Variants in MCM10 observed in about 807,000 individuals in gnomAD.
MCM10 encodes protein MCM10 homolog.
MCM10 carries 91 observed loss-of-function variants against 109.9 expected under a neutral mutation model. The observed-to-expected ratio is 0.83, with a 90% CI of 0.70 to 0.99. The LOEUF is 0.99. Ranked by LOEUF, MCM10 falls within the 50% of genes least tolerant of loss-of-function variation. The pLI is 0.00. For synonymous variants in MCM10, 380 were observed against 387.2 expected (o/e 0.98, Z 0.22); for missense variants, 1,077 against 1,061.2 (o/e 1.01, Z -0.21).
intron 1 of MCM10, among the ~76,000 whole-genome samples, chr10:13,162,222 C>T (rs951324566): frequency 1.3e-5 from 2 of 151,868 alleles, no homozygotes; most frequent in African/African-American, 4.8e-5. Context: ...TTATGGGTGT[C>T]GGGGTGGGTA....
Position 13,197,664 on chromosome 10 carries a change from T to C in MCM10, c.2016T>C (p.Leu672=). ...AATTAAGGGCAAAAGGCCAGGTTCT[T>C]ACAAAAACAAACCCAAACAGCATTA... ...ITKLRAKGQV[L]TKTNPNSIKK... is the part of the protein sequence containing the mutation. The change falls in exon 15 of 20, where the codon CTT becomes CTC. Residue 672 remains leucine, a synonymous_variant. Coordinates refer to ENST00000378714, the MANE Select transcript of MCM10 (RefSeq NM_018518.5). 1 of 1,613,980 alleles carries C rather than the reference T, an allele frequency of 6.2e-7. No individual in the cohort carries two copies. Among genetic ancestry groups the C allele is most frequent in the Admixed American group, 1.7e-5 (1 of 60,012 alleles).
chr10:13,166,649 A>ACATATATATATATATATATAT (rs1554773845), intron 2 of MCM10, among the ~76,000 whole-genome samples: 1 of 41,508 alleles, frequency 2.4e-5, no homozygotes, highest in African/African-American at 7.8e-5. Context: ...AAAAAAAAAA[A>ACATATATATATATATATATAT]ATACATACAT....
At position 13,192,270 on chromosome 10, in the gene MCM10, G is replaced by A; in HGVS notation, c.1532G>A (p.Ser511Asn). 1 of 1,613,670 alleles carries A rather than the reference G, an allele frequency of 6.2e-7. No individual in the cohort carries two copies. The highest frequency in any genetic ancestry group is 8.5e-7 in the Non-Finnish European group (1 of 1,179,592). ...CCTGGCACAGGAATACCCCAGAAGA[G>A]CCTGTCTTGCTCTGAGGAGTTCAAG... is the stretch of plus-strand genomic sequence containing the variant. Reference protein sequence around the residue: ...TRQKLGIPQKSLSCSEEFKEL... With the variant: ...TRQKLGIPQKNLSCSEEFKEL... The change falls in exon 12 of 20, where the codon AGC becomes AAC. Residue 511 changes from serine to asparagine, a missense_variant. Coordinates refer to ENST00000378714, the MANE Select transcript of MCM10 (RefSeq NM_018518.5).
chr10:13,169,110 A>G (rs758237816), intron 2 of MCM10, among the ~76,000 whole-genome samples: 5 of 152,222 alleles, frequency 3.3e-5, no homozygotes, highest in Non-Finnish European at 7.3e-5. Flanking sequence ...CTGGCCAGGT[A>G]GAGAACCACC....
At chr10:13,163,373 G>T (rs932121494) in intron 1 of MCM10, among the ~76,000 whole-genome samples, 2 of 152,166 alleles carry the variant, frequency 1.3e-5, no homozygotes, top group African/African-American at 4.8e-5. Flanking sequence ...ACTGTAATTA[G>T]TTCCTTGACA....
At chr10:13,204,147 C>A in intron 17 of MCM10, 72 bp from the exon 18 acceptor site, 1 of 1,562,410 alleles carries the variant, frequency 6.4e-7, no homozygotes, top group Non-Finnish European at 8.7e-7. Context: ...AGCAGATTGC[C>A]CTTACTGCAG....
chr10:13,166,284 C>T (rs11258227), intron 2 of MCM10, among the ~76,000 whole-genome samples: 50,502 of 151,874 alleles, frequency 0.33, 8,805 homozygotes, highest in East Asian at 0.43. Context: ...AGAGAAGATA[C>T]GTTCAGAGTT....
rs772870705 is a variant in MCM10 at position 13,182,363 on chromosome 10, C to A, written c.931-570C>A. 6.6e-6 allele frequency among the ~76,000 whole-genome samples: 1 copy of A among 152,046 alleles called. No individual in the cohort carries two copies. Among genetic ancestry groups the A allele is most frequent in the Non-Finnish European group, 1.5e-5 (1 of 68,006 alleles). ...TGGTAGCACATGCCTGTAGTCCCAG[C>A]TGCTTGGGAGGCTGAGGATGGAGGA... On this transcript the variant is annotated intron_variant, in intron 7 of 19. Coordinates refer to ENST00000378714, the MANE Select transcript of MCM10 (RefSeq NM_018518.5). This position sits in a 1 kb window ranked among gnomAD's most constrained non-coding sequence, Gnocchi z 4.2.
chr10:13,169,146 C>A (rs1050408648), intron 2 of MCM10, among the ~76,000 whole-genome samples: 8 of 152,196 alleles, frequency 5.3e-5, no homozygotes, highest in African/African-American at 1.7e-4. Flanking sequence ...TAGGGTGGGG[C>A]AGCCAGGTTT....
intron 18 of MCM10, among the ~76,000 whole-genome samples, chr10:13,206,018 C>T (rs922812425): frequency 1.3e-5 from 2 of 152,196 alleles, no homozygotes; most frequent in Non-Finnish European, 2.9e-5. Flanking sequence ...GTTTCATTCA[C>T]GTGCTCTTCT....
In MCM10 at chr10:13,172,321, A is replaced by AT; in HGVS notation, c.350-54dup. ...CAAAAATATTGCCCGCATTTTTGTC[A>AT]TGTAGAACGTTTTCTCCTGCCTGGT... On this transcript the variant is annotated intron_variant, in intron 3 of 19. Coordinates refer to ENST00000378714, the MANE Select transcript of MCM10 (RefSeq NM_018518.5). The surrounding 1 kb of genome is among the most constrained non-coding windows in gnomAD (Gnocchi z 5.2). 1 of 1,371,424 alleles carries AT rather than the reference A, an allele frequency of 7.3e-7. No individual in the cohort carries two copies. The highest frequency in any genetic ancestry group is 1.0e-6 in the Non-Finnish European group (1 of 966,528). 85.0% of individuals were successfully genotyped at this position (1,371,424 alleles called of 1,614,324 possible).
In MCM10 at chr10:13,195,222, TCAC is replaced by T; in HGVS notation, c.1936_1938del (p.Pro646del). 1 of 1,611,484 alleles carries T rather than the reference TCAC, an allele frequency of 6.2e-7. No individual in the cohort carries two copies. The highest frequency in any genetic ancestry group is 1.1e-5 in the South Asian group (1 of 90,502). On this transcript the variant is annotated inframe_deletion, in exon 14 of 20. Coordinates refer to ENST00000378714, the MANE Select transcript of MCM10 (RefSeq NM_018518.5). ...AGATGATGTTCTCTTTTATGATGAG[TCAC>T]CACCACCAAGACCAAAACTGAGTGC... is the stretch of plus-strand genomic sequence containing the variant.
rs1055424398 is a variant in MCM10, at chr10:13,172,820, G to A, written c.592+55G>A. On this transcript the variant is annotated intron_variant, in intron 5 of 19. Transcript: ENST00000378714. The surrounding 1 kb of genome is among the most constrained non-coding windows in gnomAD (Gnocchi z 5.2). ...CACTATTGTATGTGTTTATGTGTGT[G>A]GGGGTGTTCATGTGTGTGTGGGTGT... is the stretch of plus-strand genomic sequence containing the variant. 1.9e-6 allele frequency: 3 copies of A among 1,573,046 alleles called. No individual in the cohort carries two copies. The highest frequency in any genetic ancestry group is 2.7e-5 in the African/African-American group (2 of 74,168).
chr10:13,181,008 G>T (rs1018545952), intron 7 of MCM10, among the ~76,000 whole-genome samples: 1 of 152,190 alleles, frequency 6.6e-6, no homozygotes, highest in African/African-American at 2.4e-5. Flanking sequence ...TGCTGAAATT[G>T]CTGGCCTGTG....
At chr10:13,209,017 G>A in intron 18 of MCM10, 74 bp from the exon 19 acceptor site, 1 of 1,018,896 alleles carries the variant, frequency 9.8e-7, no homozygotes, top group Non-Finnish European at 1.6e-6. Flanking sequence ...CTCCCCAGGT[G>A]CAGTGAGCAC....
rs1834393532 is a variant in MCM10 at position 13,194,789 on chromosome 10, A to C, written c.1746-252A>C. ...TCCACTGGACAGCCAATTGATAAAAACAGTTATCAGTTCTAAAGTGTTAGG... is the reference window on the plus strand; with the variant it reads ...TCCACTGGACAGCCAATTGATAAAACCAGTTATCAGTTCTAAAGTGTTAGG... On this transcript the variant is annotated intron_variant, in intron 13 of 19. Coordinates refer to ENST00000378714, the MANE Select transcript of MCM10 (RefSeq NM_018518.5). 2.0e-5 allele frequency among the ~76,000 whole-genome samples: 3 copies of C among 152,216 alleles called. No individual in the cohort carries two copies. The South Asian group carries it at 6.2e-4, about 32-fold the overall frequency.
chr10:13,193,314 A>G (rs1274520792), intron 13 of MCM10, among the ~76,000 whole-genome samples: 1 of 152,048 alleles, frequency 6.6e-6, no homozygotes, highest in Non-Finnish European at 1.5e-5. Context: ...AAAAAAAAAA[A>G]AAATCAAGTG....
At chr10:13,181,255 T>C (rs754663085) in intron 7 of MCM10, among the ~76,000 whole-genome samples, 7 of 152,184 alleles carry the variant, frequency 4.6e-5, no homozygotes, top group Non-Finnish European at 1.0e-4. Context: ...TTTGATTAGA[T>C]TGAAAATCTC....
rs549439476 is a variant in MCM10 at position 13,197,497 on chromosome 10, T to C, written c.1975-126T>C. On this transcript the variant is annotated intron_variant, in intron 14 of 19. Transcript: ENST00000378714. ...AATAATACTAAGTAAAATTAAGATA[T>C]GTTCTGCCAATTTCTGTCAGAGAAC... 2.2e-4 allele frequency: 162 copies of C among 747,642 alleles called. No homozygotes were observed. The African/African-American group carries it at 2.7e-3, about 12-fold the overall frequency. 46.3% of individuals were successfully genotyped at this position (747,642 alleles called of 1,614,324 possible).
Sources: allele counts gnomAD v4.1 joint callset (sites outside exome capture counted in the v4.1 genomes callset), GRCh38; gene constraint gnomAD v4.1.1; non-coding constraint Gnocchi (gnomAD v3.1); transcripts MANE v1.5; gene names NCBI Gene and HGNC (gene_info 2026-07-23, HGNC 2026-07-21).